The following GPAM variants were observed in gnomAD, a reference collection of about 807,000 sequenced individuals.
The protein encoded by GPAM is glycerol-3-phosphate acyltransferase 1, mitochondrial.
A neutral mutation model predicts 105.0 loss-of-function variants in GPAM; 56 were observed. The ratio of observed to expected loss-of-function variants is 0.53; its 90% CI spans 0.43 to 0.67. The LOEUF is 0.67. Among genes scored for constraint, GPAM ranks in the 30% least tolerant of loss-of-function variants. The pLI is 0.00. For synonymous variants in GPAM, 368 were observed against 354.4 expected, an observed-to-expected ratio of 1.04 and a Z score of -0.43; for missense variants, 855 against 989.8, an observed-to-expected ratio of 0.86 and a Z score of 1.83.
chr10:112,175,970 T>C lies in GPAM; in HGVS notation c.300-257A>G, dbSNP rs141991498. On this transcript the variant is annotated intron_variant, in intron 5 of 21. Transcript: ENST00000348367. ...GTGTTACTGTGCCGAATAACCCTAA[T>C]ATGAAAACAAAAGAAATAAGAACAT... Among the ~76,000 whole-genome samples the C allele has an allele frequency of 3.5e-3, 529 of 152,292 alleles. 5 individuals are homozygous for C. The highest frequency in any genetic ancestry group is 0.011 in the African/African-American group (464 of 41,576).
At chr10:112,178,150 G>A (rs1847440714) in intron 4 of GPAM, 93 bp from the exon 5 acceptor site, 1 of 709,246 alleles carries the variant, frequency 1.4e-6, no homozygotes, top group Non-Finnish European at 2.5e-6. Flanking sequence ...TTAATATCAA[G>A]CATAAAAACA....
upstream of GPAM, among the ~76,000 whole-genome samples, chr10:112,184,774 G>T (rs1564685371): frequency 6.6e-6 from 1 of 152,150 alleles, no homozygotes; most frequent in African/African-American, 2.4e-5. Flanking sequence ...GAGCAGGGAG[G>T]CCAAAGCAGC....
In GPAM at chr10:112,191,565, C is replaced by T. The variant is rs571129742; in HGVS notation, n.211-8674G>A. Among the ~76,000 whole-genome samples the T allele has an allele frequency of 5.3e-5, 8 of 152,260 alleles. 1 individual carries two copies. Among genetic ancestry groups the T allele is most frequent in the African/African-American group, 1.9e-4 (8 of 41,548 alleles). ...AATAAAAGGTATTTTTCCTTTCTCC[C>T]AGGAGCATAGCCAGGCTCTGTGGTT... On this transcript the variant is annotated intron_variant and non_coding_transcript_variant, in intron 1 of 3. Transcript: ENST00000480130.
At chr10:112,200,274 T>A (rs2133293803) in intron 1 of GPAM, among the ~76,000 whole-genome samples, 1 of 142,704 alleles carries the variant, frequency 7.0e-6, no homozygotes, top group South Asian at 2.3e-4. Flanking sequence ...GAGAGAATAG[T>A]TTTCCTTCAA....
intron 1 of GPAM, among the ~76,000 whole-genome samples, chr10:112,189,401 T>G (rs1847629939): frequency 6.6e-6 from 1 of 152,192 alleles, no homozygotes; most frequent in South Asian, 2.1e-4. Flanking sequence ...TACTCCTGTT[T>G]AATCATTGTT....
intron 9 of GPAM, among the ~76,000 whole-genome samples, chr10:112,170,092 A>C (rs1027411303): frequency 6.6e-6 from 1 of 152,226 alleles, no homozygotes; most frequent in African/African-American, 2.4e-5. Flanking sequence ...CAATAAATGT[A>C]ACATGCTTGA....
Position 112,196,324 on chromosome 10 carries a change from G to A in GPAM, n.211-13433C>T, listed in dbSNP as rs568582154. On this transcript the variant is annotated intron_variant and non_coding_transcript_variant, in intron 1 of 3. Coordinates refer to the GPAM transcript ENST00000480130. ...AGAACCTCACTCATTAAGTATAATC[G>A]GAAGGAAGATCAATCTAAGTTCAAC... Among the ~76,000 whole-genome samples, 10 of 152,084 alleles carry A rather than the reference G, an allele frequency of 6.6e-5. No individual in the cohort carries two copies. In the East Asian group the frequency reaches 1.7e-3, roughly 26 times the overall value.
chr10:112,156,292 T>A (rs1352207296), intron 19 of GPAM: 1 of 531,390 alleles, frequency 1.9e-6, no homozygotes, highest in Non-Finnish European at 3.4e-6. Context: ...AGGCTTGTGT[T>A]CATTGAACAG....
intron 18 of GPAM, among the ~76,000 whole-genome samples, chr10:112,157,628 C>T (rs921120168): frequency 2.0e-5 from 3 of 152,122 alleles, no homozygotes; most frequent in Non-Finnish European, 4.4e-5. Flanking sequence ...AATAAAAGTA[C>T]CCCCACATGT....
intron 1 of GPAM, among the ~76,000 whole-genome samples, chr10:112,202,529 C>A (rs1331505199): frequency 3.3e-5 from 5 of 152,138 alleles, no homozygotes; most frequent in Non-Finnish European, 7.4e-5. Flanking sequence ...TGACTCCAAA[C>A]CTTTTGACTG....
At chr10:112,177,236 G>A (rs1683242480) in intron 5 of GPAM, among the ~76,000 whole-genome samples, 1 of 152,152 alleles carries the variant, frequency 6.6e-6, no homozygotes, top group South Asian at 2.1e-4. Flanking sequence ...ATCAAATTAT[G>A]AGAAGTAATA....
intron 9 of GPAM, among the ~76,000 whole-genome samples, chr10:112,169,231 A>G (rs1479478800): frequency 3.3e-5 from 5 of 152,206 alleles, no homozygotes; most frequent in African/African-American, 1.2e-4. Flanking sequence ...TACCCGTAAA[A>G]ATGATAGTAT....
chr10:112,183,200 G>A (rs957971618), intron 1 of GPAM, among the ~76,000 whole-genome samples: 1 of 152,178 alleles, frequency 6.6e-6, no homozygotes, highest in African/African-American at 2.4e-5. Flanking sequence ...CTGGAAAATG[G>A]GCAGAATGAT....
At chr10:112,163,673 G>C (rs1168580639) in intron 14 of GPAM, 28 bp downstream of exon 14, 1 of 1,016,582 alleles carries the variant, frequency 9.8e-7, no homozygotes, top group Non-Finnish European at 1.6e-6. Context: ...CTAAATTGTA[G>C]AATTAAAGAG....
At chr10:112,170,201 C>T (rs1269231870) in intron 9 of GPAM, among the ~76,000 whole-genome samples, 1 of 152,170 alleles carries the variant, frequency 6.6e-6, no homozygotes, top group Non-Finnish European at 1.5e-5. Context: ...CACTGCTCTA[C>T]AGTAAATAGA....
At position 112,153,671 on chromosome 10, in the gene GPAM, A is replaced by C. The variant is rs1197746609; in HGVS notation, c.2371-5T>G. The C allele has an allele frequency of 6.2e-7, 1 of 1,608,086 alleles. No individual in the cohort carries two copies. The highest frequency in any genetic ancestry group is 8.5e-7 in the Non-Finnish European group (1 of 1,174,990). ...TTGTTTGGTCTCCTTGAAAACCTAAAGAAAAGGTTTAGATTAAATTAAAGG... is the reference window on the plus strand; with the variant it reads ...TTGTTTGGTCTCCTTGAAAACCTAACGAAAAGGTTTAGATTAAATTAAAGG... On this transcript the variant is annotated splice_region_variant and splice_polypyrimidine_tract_variant and intron_variant, in intron 21 of 21. Transcript: ENST00000348367.
chr10:112,186,341 A>G (rs1554847711), upstream of GPAM, among the ~76,000 whole-genome samples: 1 of 151,702 alleles, frequency 6.6e-6, no homozygotes, highest in Non-Finnish European at 1.5e-5. Flanking sequence ...AAATAAAAAC[A>G]TATTTTGACA....
intron 11 of GPAM, among the ~76,000 whole-genome samples, chr10:112,167,468 C>G (rs1847238281): frequency 6.6e-6 from 1 of 152,280 alleles, no homozygotes; most frequent in African/African-American, 2.4e-5. Flanking sequence ...AGAATGATTA[C>G]AGCCAAACAT....
intron 6 of GPAM, 131 bp downstream of exon 6, chr10:112,175,469 T>C (rs377438269): frequency 1.4e-6 from 1 of 694,438 alleles, no homozygotes; most frequent in Non-Finnish European, 2.6e-6. Flanking sequence ...TAACATTTAA[T>C]GTTTGGAAAT....
Sources: allele counts gnomAD v4.1 joint callset (sites outside exome capture counted in the v4.1 genomes callset), GRCh38; gene constraint gnomAD v4.1.1; transcripts MANE v1.5; gene names NCBI Gene and HGNC (gene_info 2026-07-23, HGNC 2026-07-21).